TRIO: variants seen among roughly 807,000 people sequenced by gnomAD.
TRIO encodes the protein triple functional domain protein.
In TRIO, 58 loss-of-function variants were observed where a neutral mutation model predicts 351.9. The observed-to-expected ratio is 0.16, with a 90% CI of 0.13 to 0.21. The LOEUF (loss-of-function observed/expected upper bound fraction) is 0.21. TRIO is among the 10% of genes least tolerant of loss of function. The probability of loss-of-function intolerance (pLI) is 1.00; values close to 1 mark genes in which losing one functional copy is unlikely to be tolerated. For synonymous variants in TRIO, 1,758 were observed against 1,595.7 expected (o/e 1.10, Z -2.42); for missense variants, 3,201 against 4,027.8 (o/e 0.79, Z 5.56).
At chr5:14,384,140 C>T (rs776639743) in intron 21 of TRIO, among the ~76,000 whole-genome samples, 4 of 152,270 alleles carry the variant, frequency 2.6e-5, no homozygotes, top group Admixed American at 6.5e-5. Flanking sequence ...GACGTAGGCT[C>T]TCTTGGAGTG....
At position 14,387,432 on chromosome 5, in the gene TRIO, T is replaced by C; in HGVS notation, c.3571-6T>C. The C allele has an allele frequency of 6.3e-7, 1 of 1,596,776 alleles. No homozygotes were observed. The highest frequency in any genetic ancestry group is 8.5e-7 in the Non-Finnish European group (1 of 1,170,172). On this transcript the variant is annotated splice_region_variant and splice_polypyrimidine_tract_variant and intron_variant, in intron 21 of 56. Coordinates refer to ENST00000344204, the MANE Select transcript of TRIO (RefSeq NM_007118.4). ...CCTCACAATACTTTCCTGTTGTTTTTTGCAGCAAACCAAAGAGAGAGTGAA... is the reference window on the plus strand; with the variant it reads ...CCTCACAATACTTTCCTGTTGTTTTCTGCAGCAAACCAAAGAGAGAGTGAA...
chr5:14,368,762 G>A lies in TRIO; in HGVS notation c.2929G>A (p.Ala977Thr). The A allele has an allele frequency of 6.2e-7, 1 of 1,614,106 alleles. No individual in the cohort carries two copies. Among genetic ancestry groups the A allele is most frequent in the Non-Finnish European group, 8.5e-7 (1 of 1,180,028 alleles). Residue 977 changes from alanine (A) to threonine (T), a missense_variant, in exon 17 of 57, where the codon GCC becomes ACC. Around this residue, in one of 19 missense-constraint regions of TRIO, gnomAD observed 363 missense variants for 553.5 expected, o/e 0.66. Coordinates refer to ENST00000344204, the MANE Select transcript of TRIO (RefSeq NM_007118.4). ...GCAGAAGGCAGAAGCCATGCTACAG[G>A]CCAACCACTACGACATGGACATGAT... ...VQQKAEAMLQ[A>T]NHYDMDMIRD...
chr5:14,378,584 A>C (rs571537695), intron 20 of TRIO, among the ~76,000 whole-genome samples: 58 of 150,366 alleles, frequency 3.9e-4, no homozygotes, highest in African/African-American at 1.3e-3. Context: ...TTTGAGACAG[A>C]GTTTTGCTCT....
intron 14 of TRIO, among the ~76,000 whole-genome samples, chr5:14,364,420 A>G (rs999775947): frequency 1.3e-5 from 2 of 152,218 alleles, no homozygotes; most frequent in African/African-American, 4.8e-5. Flanking sequence ...AGAATGCCAC[A>G]CTTTCCTAGT....
intron 11 of TRIO, among the ~76,000 whole-genome samples, chr5:14,349,272 G>A (rs1488126760): frequency 1.4e-5 from 2 of 138,542 alleles, no homozygotes; most frequent in Non-Finnish European, 3.1e-5. Flanking sequence ...TTTTTCCTGT[G>A]TGTATGTGTG....
rs530702751 is a variant in TRIO, at chr5:14,260,953, T to C, written c.158-9872T>C. Among the ~76,000 whole-genome samples, 10 of 152,304 alleles carry C rather than the reference T, an allele frequency of 6.6e-5. 1 individual carries two copies. The South Asian group carries it at 2.1e-3, about 32-fold the overall frequency. On this transcript the variant is annotated intron_variant, in intron 1 of 56. Coordinates refer to ENST00000344204, the MANE Select transcript of TRIO (RefSeq NM_007118.4). ...AGTAGAGGGGATTGGTAGGCATTTG[T>C]TGGTGAGCAAGGCCCCTGGATGAGG...
At chr5:14,447,825 TG>T (rs1752551843) in intron 34 of TRIO, among the ~76,000 whole-genome samples, 1 of 152,226 alleles carries the variant, frequency 6.6e-6, no homozygotes, top group Non-Finnish European at 1.5e-5. Flanking sequence ...ATTATGCCCA[TG>T]GGTTCAACAT....
intron 55 of TRIO, 125 bp downstream of exon 55, chr5:14,504,718 C>A: frequency 8.3e-7 from 1 of 1,210,278 alleles, no homozygotes; most frequent in Non-Finnish European, 1.2e-6. Context: ...AACTAAAAAA[C>A]ATCTTCACTG....
intron 7 of TRIO, among the ~76,000 whole-genome samples, chr5:14,299,019 T>C (rs972719840): frequency 1.2e-4 from 18 of 152,188 alleles, no homozygotes; most frequent in South Asian, 4.1e-4. Context: ...AATGTCAGGC[T>C]GAAGCATAAC....
intron 34 of TRIO, among the ~76,000 whole-genome samples, chr5:14,446,904 A>C (rs1752481353): frequency 6.6e-6 from 1 of 152,188 alleles, no homozygotes; most frequent in African/African-American, 2.4e-5. Context: ...CCATCCCTTG[A>C]AACTCTGAAA....
chr5:14,151,032 C>T (rs748578258), intron 1 of TRIO, among the ~76,000 whole-genome samples: 110 of 152,134 alleles, frequency 7.2e-4, no homozygotes, highest in Non-Finnish European at 1.3e-3. Context: ...CTGTCCAGAT[C>T]GAAGATGACA....
intron 1 of TRIO, among the ~76,000 whole-genome samples, chr5:14,225,980 C>T (rs183039633): frequency 2.5e-4 from 38 of 152,224 alleles, no homozygotes; most frequent in South Asian, 1.7e-3. Flanking sequence ...CTTTGAGTTC[C>T]GCCGTGGCAG....
chr5:14,388,350 C>T (rs907366260), intron 23 of TRIO, among the ~76,000 whole-genome samples: 1 of 152,182 alleles, frequency 6.6e-6, no homozygotes, highest in African/African-American at 2.4e-5. Context: ...AGCCCCACAG[C>T]AGAGTTACCT....
rs764374315 is a variant in TRIO, at chr5:14,291,081, G to A, written c.906G>A (p.Ala302=). The A allele has an allele frequency of 4.7e-5, 76 of 1,614,062 alleles. No individual in the cohort carries two copies. Among genetic ancestry groups the A allele is most frequent in the African/African-American group, 8.0e-5 (6 of 74,902 alleles). The change falls in exon 5 of 57, where the codon GCG becomes GCA. Residue 302 remains alanine, a synonymous_variant. Coordinates refer to ENST00000344204, the MANE Select transcript of TRIO (RefSeq NM_007118.4). ...AAAAGAACTCAGGCTCAGGCAATGC[G>A]GACCTGCAGAACCTCTTGCCCAAGG... ...FPKKNSGSGN[A]DLQNLLPKVS... is the part of the protein sequence containing the mutation.
chr5:14,297,149 G>A lies in TRIO; in HGVS notation c.1254G>A (p.Gln418=). ...LVESGHYASQ[Q]IRQIASQLEQ... is the part of the protein sequence containing the mutation. ...AGTCTGGCCACTATGCCTCGCAGCA[G>A]ATCAGGCAGATCGCGAGTCAGCTGG... The change falls in exon 7 of 57, where the codon CAG becomes CAA. Residue 418 remains glutamine, a synonymous_variant. Transcript: ENST00000344204. 3 of 1,614,204 alleles carry A rather than the reference G, an allele frequency of 1.9e-6. No homozygotes were observed. Among genetic ancestry groups the A allele is most frequent in the Non-Finnish European group, 2.5e-6 (3 of 1,180,040 alleles).
chr5:14,284,232 C>G (rs1329697813), intron 3 of TRIO, among the ~76,000 whole-genome samples: 1 of 152,094 alleles, frequency 6.6e-6, no homozygotes, highest in Non-Finnish European at 1.5e-5. Context: ...ACATGAGGCT[C>G]TTTGGTAAAA....
intron 48 of TRIO, 142 bp downstream of exon 48, chr5:14,488,402 ACCCT>A: frequency 1.5e-6 from 2 of 1,315,132 alleles, no homozygotes; most frequent in Non-Finnish European, 2.0e-6. Flanking sequence ...GACCAGGCTA[ACCCT>A]CCTGCGGGCC....
chr5:14,281,783 G>A (rs1334672247), intron 3 of TRIO, among the ~76,000 whole-genome samples: 1 of 152,132 alleles, frequency 6.6e-6, no homozygotes, highest in East Asian at 1.9e-4. Context: ...ACTAAATGAG[G>A]ATGTGTGAGA....
At chr5:14,338,700 C>T (rs1741652754) in intron 11 of TRIO, among the ~76,000 whole-genome samples, 2 of 152,184 alleles carry the variant, frequency 1.3e-5, no homozygotes, top group Non-Finnish European at 2.9e-5. Flanking sequence ...GCAGGTTCCT[C>T]ATTCGGGGCC....
Sources: allele counts gnomAD v4.1 joint callset (sites outside exome capture counted in the v4.1 genomes callset), GRCh38; gene constraint gnomAD v4.1.1; regional missense constraint gnomAD v4.1.1; transcripts MANE v1.5; gene names NCBI Gene and HGNC (gene_info 2026-07-23, HGNC 2026-07-21).